The following RLF variants were observed in gnomAD, a reference collection of about 807,000 sequenced individuals.
RLF encodes zinc finger protein Rlf.
In RLF, 7 loss-of-function variants were observed where a neutral mutation model predicts 162.9. The observed-to-expected ratio is 0.04, with a 90% CI of 0.02 to 0.08. RLF has a LOEUF of 0.08. RLF is among the 10% of genes least tolerant of loss of function. RLF has a pLI of 1.00. For synonymous variants in RLF, 782 were observed against 791.5 expected, an observed-to-expected ratio of 0.99 and a Z score of 0.20; for missense variants, 1,664 against 2,244.7, an observed-to-expected ratio of 0.74 and a Z score of 5.23.
chr1:40,236,297 A>G lies in RLF; in HGVS notation c.1595A>G (p.His532Arg), dbSNP rs375437021. 3.1e-6 allele frequency: 5 copies of G among 1,614,068 alleles called. No homozygotes were observed. Among genetic ancestry groups the G allele is most frequent in the Non-Finnish European group, 4.2e-6 (5 of 1,180,018 alleles). ...QYRRRDLTDQ[H>R]KEKRDKKPIG... ...AGAAGAAGAGATTTGACAGATCAGC[A>G]TAAGGAGAAAAGAGACAAAAAACCT... is the stretch of plus-strand genomic sequence containing the variant. Residue 532 changes from histidine to arginine, a missense_variant, in exon 8 of 8, where the codon CAT (histidine) becomes CGT (arginine). Coordinates refer to ENST00000372771, the MANE Select transcript of RLF (RefSeq NM_012421.4). The surrounding 1 kb of genome is among the most constrained non-coding windows in gnomAD (Gnocchi z 7.7).
In RLF at chr1:40,239,142, G is replaced by T; in HGVS notation, c.4440G>T (p.Gln1480His). The change falls in exon 8 of 8, where the codon CAG (glutamine) becomes CAT (histidine). Residue 1480 changes from glutamine to histidine, a missense_variant. Around this residue, in one of 15 missense-constraint regions of RLF, gnomAD observed 200 missense variants for 207.3 expected, o/e 0.96. Transcript: ENST00000372771. ...KDYYDDLFRSQKVANERLLRS... is the reference protein window; with the variant it reads ...KDYYDDLFRSHKVANERLLRS... ...ATTATGATGATTTGTTTAGAAGCCA[G>T]AAAGTAGCAAATGAGAGACTACTAA... 6.2e-7 allele frequency: 1 copy of T among 1,614,094 alleles called. No homozygotes were observed. Among genetic ancestry groups the T allele is most frequent in the Non-Finnish European group, 8.5e-7 (1 of 1,180,012 alleles).
intron 1 of RLF, among the ~76,000 whole-genome samples, chr1:40,164,984 A>G (rs752415813): frequency 5.3e-5 from 8 of 152,210 alleles, no homozygotes; most frequent in Non-Finnish European, 8.8e-5. Context: ...TACTGGCTTC[A>G]CTATTGAAAT....
At chr1:40,191,576 G>T (rs190761368) in intron 3 of RLF, among the ~76,000 whole-genome samples, 1 of 151,848 alleles carries the variant, frequency 6.6e-6, no homozygotes, top group South Asian at 2.1e-4. Context: ...AATAGACCGG[G>T]CATGGTGGTA....
chr1:40,169,778 C>T (rs1416339987), intron 1 of RLF, among the ~76,000 whole-genome samples: 4 of 150,450 alleles, frequency 2.7e-5, no homozygotes, highest in Admixed American at 6.6e-5. Context: ...CTGCAACCTC[C>T]GCCTCCCGGG....
rs542480496 is a variant in RLF, at chr1:40,196,929, C to T, written c.607+1165C>T. ...GAGCCAACAACTGTAACTTCATTTACGTCAAGTTAGTGGAAAGTTCAAAGG... is the reference window on the plus strand; with the variant it reads ...GAGCCAACAACTGTAACTTCATTTATGTCAAGTTAGTGGAAAGTTCAAAGG... On this transcript the variant is annotated intron_variant, in intron 4 of 7. Transcript: ENST00000372771. Among the ~76,000 whole-genome samples the T allele has an allele frequency of 1.2e-4, 18 of 152,296 alleles. No individual in the cohort carries two copies. In the South Asian group the frequency reaches 1.2e-3, roughly 11 times the overall value.
At chr1:40,218,645 G>A (rs1459347274) in intron 5 of RLF, among the ~76,000 whole-genome samples, 4 of 151,822 alleles carry the variant, frequency 2.6e-5, no homozygotes, top group African/African-American at 7.3e-5. Flanking sequence ...CTATCTCCCC[G>A]AGAATTCTTT....
At chr1:40,214,942 A>AAAAAAAAAAAAG (rs1557753884) in intron 5 of RLF, among the ~76,000 whole-genome samples, 1 of 147,494 alleles carries the variant, frequency 6.8e-6, no homozygotes, top group Non-Finnish European at 1.5e-5. Flanking sequence ...AAAAAAAAAA[A>AAAAAAAAAAAAG]AAACTAAAGT....
chr1:40,209,017 A>G (rs1012085242), intron 5 of RLF, among the ~76,000 whole-genome samples: 3 of 152,114 alleles, frequency 2.0e-5, no homozygotes, highest in Non-Finnish European at 4.4e-5. Context: ...GTCACTGCCA[A>G]CCTTCTGGTT....
intron 5 of RLF, among the ~76,000 whole-genome samples, chr1:40,209,168 G>A (rs1393031746): frequency 3.3e-5 from 5 of 152,164 alleles, no homozygotes; most frequent in Non-Finnish European, 7.3e-5. Context: ...TTACTGGACT[G>A]GATTTACTGA....
At chr1:40,185,642 C>A in intron 1 of RLF, among the ~76,000 whole-genome samples, 1 of 118,096 alleles carries the variant, frequency 8.5e-6, no homozygotes, top group Non-Finnish European at 1.7e-5. Flanking sequence ...GAAACCCCGT[C>A]TCTACTAAAA....
intron 6 of RLF, among the ~76,000 whole-genome samples, chr1:40,225,874 G>A (rs570802421): frequency 1.1e-4 from 12 of 106,934 alleles, no homozygotes; most frequent in African/African-American, 4.4e-4. Context: ...GCGAGACTCC[G>A]TCGCAAAAAA....
intron 6 of RLF, among the ~76,000 whole-genome samples, chr1:40,224,621 AGCTTTTTTTTT>A (rs1643041952): frequency 2.8e-5 from 1 of 35,198 alleles, no homozygotes; most frequent in African/African-American, 1.0e-4. Context: ...TGTTTTTGAA[AGCTTTTTTTTT>A]TTTTTTTTTT....
chr1:40,200,895 C>T (rs909760820), intron 4 of RLF, among the ~76,000 whole-genome samples: 60 of 119,070 alleles, frequency 5.0e-4, no homozygotes, highest in African/African-American at 1.9e-3. Context: ...CACACACACA[C>T]ACACACACAC....
intron 6 of RLF, among the ~76,000 whole-genome samples, chr1:40,229,523 C>T (rs1463685706): frequency 3.4e-4 from 48 of 140,334 alleles, no homozygotes; most frequent in Non-Finnish European, 9.0e-5. Flanking sequence ...GGTGCAATCT[C>T]GGCTTACCGC....
At chr1:40,192,254 T>C (rs1642569601) in intron 3 of RLF, among the ~76,000 whole-genome samples, 1 of 152,208 alleles carries the variant, frequency 6.6e-6, no homozygotes, top group African/African-American at 2.4e-5. Flanking sequence ...AGTCGTTTTG[T>C]TCTGGCATAT....
chr1:40,205,651 G>A lies in RLF; in HGVS notation c.810+3037G>A, dbSNP rs374815310. The stretch of plus-strand genomic sequence containing the variant: ...ACTACAGGCGCCCGCCACCATGCCC[G>A]GCTAATTTTTTTTGTATTTTTAGTA... On this transcript the variant is annotated intron_variant, in intron 5 of 7. Coordinates refer to ENST00000372771, the MANE Select transcript of RLF (RefSeq NM_012421.4). 1.2e-3 allele frequency among the ~76,000 whole-genome samples: 178 copies of A among 151,870 alleles called. 1 individual carries two copies. Among genetic ancestry groups the A allele is most frequent in the South Asian group, 6.9e-3 (33 of 4,816 alleles).
chr1:40,177,434 C>T (rs1462909817), intron 1 of RLF, among the ~76,000 whole-genome samples: 4 of 151,914 alleles, frequency 2.6e-5, no homozygotes, highest in African/African-American at 4.8e-5. Flanking sequence ...GGACTACAGG[C>T]GCCCGCCACC....
At position 40,236,957 on chromosome 1, in the gene RLF, G is replaced by A; in HGVS notation, c.2255G>A (p.Arg752Lys). The change falls in exon 8 of 8, where the codon AGG becomes AAG. Residue 752 changes from arginine to lysine, a missense_variant. Physicochemically the swap from Arg to Lys is conservative, Grantham distance 26. This residue lies in a region of RLF where 69 missense variants were observed against 206.4 expected (regional missense o/e 0.33). Coordinates refer to ENST00000372771, the MANE Select transcript of RLF (RefSeq NM_012421.4). The surrounding 1 kb of genome is among the most constrained non-coding windows in gnomAD (Gnocchi z 7.7). ...YMCVSIDCYA[R>K]FGSVNELLNH... is the part of the protein sequence containing the mutation. The stretch of plus-strand genomic sequence containing the variant: ...TGTGTATCTATAGATTGCTATGCTA[G>A]GTTTGGATCAGTAAATGAACTACTT... 2 of 1,614,164 alleles carry A rather than the reference G, an allele frequency of 1.2e-6. No individual in the cohort carries two copies. Among genetic ancestry groups the A allele is most frequent in the Non-Finnish European group, 1.7e-6 (2 of 1,180,014 alleles).
At chr1:40,184,150 GA>G (rs1179927320) in intron 1 of RLF, among the ~76,000 whole-genome samples, 3 of 152,168 alleles carry the variant, frequency 2.0e-5, no homozygotes, top group Non-Finnish European at 4.4e-5. Flanking sequence ...GAGAAGTTTA[GA>G]AAAGTATAAA....
Sources: allele counts gnomAD v4.1 joint callset (sites outside exome capture counted in the v4.1 genomes callset), GRCh38; gene constraint gnomAD v4.1.1; regional missense constraint gnomAD v4.1.1; non-coding constraint Gnocchi (gnomAD v3.1); transcripts MANE v1.5; gene names NCBI Gene and HGNC (gene_info 2026-07-23, HGNC 2026-07-21).